TLE2: variants seen among roughly 807,000 people sequenced by gnomAD.
TLE2 encodes the protein TLE family member 2, transcriptional corepressor.
A neutral mutation model predicts 97.2 loss-of-function variants in TLE2; 74 were observed. The ratio of observed to expected loss-of-function variants is 0.76; its 90% CI spans 0.63 to 0.92. The LOEUF is 0.92. Ranked by LOEUF, TLE2 falls within the 40% of genes least tolerant of loss-of-function variation. TLE2 has a pLI of 0.00. For missense variants in TLE2, 1,038 were observed against 1,008.7 expected (o/e 1.03, Z -0.39); for synonymous variants, 499 against 432.1 (o/e 1.15, Z -1.92).
chr19:3,013,821 G>T lies in TLE2; in HGVS notation c.724-3C>A, dbSNP rs111733797. The T allele has an allele frequency of 2.0e-6, 3 of 1,530,380 alleles. No individual in the cohort carries two copies. The highest frequency in any genetic ancestry group is 2.6e-6 in the Non-Finnish European group (3 of 1,144,792). The allele number at this position is 1,530,380 out of a possible 1,614,324, so 94.8% of individuals were successfully genotyped here. A position where few individuals can be genotyped will look rare whatever the true frequency, so the allele number is the denominator to read the frequency against. Reference sequence around the variant, plus strand: ...CTGGGGGGCTCTGAGGGTTGGTCCTGGGTTTGAGGAGGTGACGTTGAGCAG... The same window carrying T: ...CTGGGGGGCTCTGAGGGTTGGTCCTTGGTTTGAGGAGGTGACGTTGAGCAG... On this transcript the variant is annotated splice_region_variant and splice_polypyrimidine_tract_variant and intron_variant, in intron 10 of 19. Transcript: ENST00000262953.
chr19:3,025,664 A>T, intron 4 of TLE2: 1 of 939,288 alleles, frequency 1.1e-6, no homozygotes, highest in Non-Finnish European at 1.3e-6. Context: ...GCAGACGAGA[A>T]GGCGTGTGGG....
At chr19:3,028,656 G>C in intron 2 of TLE2, 50 bp downstream of exon 2, 1 of 1,588,718 alleles carries the variant, frequency 6.3e-7, no homozygotes. Flanking sequence ...GCCTCGCCCC[G>C]CCCCGGCGCC....
chr19:3,009,716 G>A lies in TLE2; in HGVS notation c.1013-14C>T. 2 of 1,602,276 alleles carry A rather than the reference G, an allele frequency of 1.2e-6. No homozygotes were observed. The highest frequency in any genetic ancestry group is 1.7e-6 in the Non-Finnish European group (2 of 1,175,360). On this transcript the variant is annotated splice_polypyrimidine_tract_variant and intron_variant, in intron 12 of 19. Coordinates refer to ENST00000262953, the MANE Select transcript of TLE2 (RefSeq NM_003260.5). ...GGCTCCTCAGGGCTGAGACGGAAGAGTCGGGGACAGGTTTTGACGCCCTGG... is the reference window on the plus strand; with the variant it reads ...GGCTCCTCAGGGCTGAGACGGAAGAATCGGGGACAGGTTTTGACGCCCTGG...
intron 5 of TLE2, among the ~76,000 whole-genome samples, chr19:3,021,690 C>A (rs1298696199): frequency 6.6e-6 from 1 of 151,944 alleles, no homozygotes; most frequent in Non-Finnish European, 1.5e-5. Context: ...TCAAACAATT[C>A]TCCTGCCTCA....
chr19:3,008,425 A>G (rs2089519739), intron 14 of TLE2, among the ~76,000 whole-genome samples: 1 of 151,556 alleles, frequency 6.6e-6, no homozygotes, highest in Admixed American at 6.6e-5. Flanking sequence ...AACTCTGAGT[A>G]GCTTATGCAA....
chr19:3,008,509 G>T (rs1262980218), intron 14 of TLE2, among the ~76,000 whole-genome samples: 1 of 149,072 alleles, frequency 6.7e-6, no homozygotes, highest in Non-Finnish European at 1.5e-5. Context: ...GGAGTGCAAT[G>T]GCACGGTCTC....
chr19:3,029,575 G>A (rs2090005811), upstream of TLE2: 2 of 643,604 alleles, frequency 3.1e-6, no homozygotes, highest in Non-Finnish European at 3.8e-6. Context: ...GGGGGCTTGC[G>A]GGGAGCGGGG....
intron 17 of TLE2, among the ~76,000 whole-genome samples, chr19:3,005,211 CAGT>C (rs2089447238): frequency 6.6e-6 from 1 of 152,158 alleles, no homozygotes; most frequent in South Asian, 2.1e-4. Context: ...CTGGGGGTCT[CAGT>C]AGCCCCACAG....
At chr19:3,005,339 G>C in intron 17 of TLE2, 98 bp downstream of exon 17, 1 of 1,483,072 alleles carries the variant, frequency 6.7e-7, no homozygotes, top group South Asian at 1.3e-5. Context: ...TGGGAGTCCT[G>C]TCCTGTCCTG....
chr19:3,016,656 T>C (rs2089712886), intron 8 of TLE2, among the ~76,000 whole-genome samples: 3 of 151,970 alleles, frequency 2.0e-5, no homozygotes, highest in Admixed American at 2.0e-4. Flanking sequence ...ATGACATTTC[T>C]GTTGGGGAGC....
chr19:3,036,346 C>G (rs1425557974), intron 1 of TLE2, among the ~76,000 whole-genome samples: 1 of 152,250 alleles, frequency 6.6e-6, no homozygotes, highest in East Asian at 1.9e-4. Context: ...CGCGCTCTCC[C>G]GCCCGTCGCC....
At chr19:3,025,307 G>C in intron 4 of TLE2, 1 of 1,279,356 alleles carries the variant, frequency 7.8e-7, no homozygotes, top group Non-Finnish European at 1.0e-6. Context: ...CTGGAGCTGG[G>C]AAGACCAGGG....
At chr19:3,014,643 T>C (rs2089664273) in intron 9 of TLE2, 29 bp from the exon 10 acceptor site, 2 of 1,574,120 alleles carry the variant, frequency 1.3e-6, no homozygotes, top group Admixed American at 3.6e-5. Flanking sequence ...GAGAGCTCAT[T>C]GTGGTCATGC....
chr19:3,005,898 G>C lies in TLE2; in HGVS notation c.1571C>G (p.Ala524Gly). 6.2e-7 allele frequency: 1 copy of C among 1,613,800 alleles called. No individual in the cohort carries two copies. Among genetic ancestry groups the C allele is most frequent in the Non-Finnish European group, 8.5e-7 (1 of 1,179,768 alleles). The change falls in exon 16 of 20, where the codon GCC (alanine) becomes GGC (glycine). Residue 524 changes from alanine to glycine, a missense_variant. Coordinates refer to ENST00000262953, the MANE Select transcript of TLE2 (RefSeq NM_003260.5). ...CAGGTCCCAAATGGACAAGGTGCTG[G>C]CCTCACCGCCCACGATCAGACTCCG... is the stretch of plus-strand genomic sequence containing the variant. Reference protein sequence around the residue: ...DGRSLIVGGEASTLSIWDLAA... With the variant: ...DGRSLIVGGEGSTLSIWDLAA...
At chr19:3,027,998 C>G (rs560145204) in intron 3 of TLE2, 125 bp from the exon 4 acceptor site, 1 of 991,542 alleles carries the variant, frequency 1.0e-6, no homozygotes, top group African/African-American at 1.6e-5. Flanking sequence ...GCAGAGCCCC[C>G]CCCAGCTCCA....
At chr19:2,999,994 C>T (rs1461955886) in intron 19 of TLE2, among the ~76,000 whole-genome samples, 2 of 150,956 alleles carry the variant, frequency 1.3e-5, no homozygotes, top group Admixed American at 1.3e-4. Flanking sequence ...GATCGCAACA[C>T]TGCACTCCAG....
chr19:3,010,924 G>T, intron 12 of TLE2, 98 bp downstream of exon 12: 2 of 1,464,464 alleles, frequency 1.4e-6, no homozygotes, highest in Non-Finnish European at 1.8e-6. Context: ...TGAACACCAA[G>T]CCTGGAATCC....
At chr19:3,003,375 G>GA in intron 17 of TLE2, among the ~76,000 whole-genome samples, 1 of 152,030 alleles carries the variant, frequency 6.6e-6, no homozygotes, top group Non-Finnish European at 1.5e-5. Flanking sequence ...CTGTGGCTCA[G>GA]GCCTGTAATC....
chr19:3,024,922 G>A (rs112253682), intron 5 of TLE2, 98 bp downstream of exon 5: 179 of 1,049,086 alleles, frequency 1.7e-4, no homozygotes, highest in Middle Eastern at 1.5e-3. Context: ...CAGGCTACGC[G>A]GCAGAATCAG....
Sources: allele counts gnomAD v4.1 joint callset (sites outside exome capture counted in the v4.1 genomes callset), GRCh38; gene constraint gnomAD v4.1.1; transcripts MANE v1.5; gene names NCBI Gene and HGNC (gene_info 2026-07-23, HGNC 2026-07-21).